MMP16: variants seen among roughly 807,000 people sequenced by gnomAD.
MMP16 encodes matrix metallopeptidase 16.
Under a neutral mutation model 67.8 loss-of-function variants are expected in MMP16, and 12 were observed. That is an observed-to-expected ratio of 0.18 (90% confidence interval 0.11 to 0.29). The LOEUF (loss-of-function observed/expected upper bound fraction) is 0.29, where lower values mean the gene tolerates loss of function less well. Among genes scored for constraint, MMP16 ranks in the 10% least tolerant of loss-of-function variants. The pLI is 1.00. For missense variants in MMP16, 475 were observed against 765.7 expected (o/e 0.62, Z 4.48); for synonymous variants, 249 against 255.9 (o/e 0.97, Z 0.26).
At chr8:88,055,288 G>A (rs1176329544) in intron 8 of MMP16, among the ~76,000 whole-genome samples, 1 of 152,048 alleles carries the variant, frequency 6.6e-6, no homozygotes, top group Non-Finnish European at 1.5e-5. Flanking sequence ...GCTCACTGCA[G>A]CCTTTGCCTC....
At chr8:88,179,525 C>A (rs1480639371) in intron 3 of MMP16, among the ~76,000 whole-genome samples, 1 of 150,952 alleles carries the variant, frequency 6.6e-6, no homozygotes, top group Non-Finnish European at 1.5e-5. Context: ...AAAGAAAGAT[C>A]ATTAGGGAAG....
chr8:88,159,937 T>C (rs886191299), intron 4 of MMP16, among the ~76,000 whole-genome samples: 1 of 152,096 alleles, frequency 6.6e-6, no homozygotes, highest in Non-Finnish European at 1.5e-5. Context: ...ATTACGTTTA[T>C]TGATTTGTTG....
intron 3 of MMP16, among the ~76,000 whole-genome samples, chr8:88,180,235 T>G (rs188340746): frequency 5.7e-4 from 86 of 151,542 alleles, no homozygotes; most frequent in Non-Finnish European, 2.4e-4. Context: ...GAGCTGAGAT[T>G]GCGCCATTTC....
chr8:88,325,579 CTT>C (rs1205069144), intron 1 of MMP16, among the ~76,000 whole-genome samples: 1 of 152,176 alleles, frequency 6.6e-6, no homozygotes, highest in Non-Finnish European at 1.5e-5. Flanking sequence ...TAAATTATCT[CTT>C]GATTTAAATG....
At chr8:88,063,676 T>A (rs765478384) in intron 7 of MMP16, among the ~76,000 whole-genome samples, 3 of 152,010 alleles carry the variant, frequency 2.0e-5, no homozygotes, top group Non-Finnish European at 4.4e-5. Context: ...AAGTGGTGTG[T>A]CTAAAGCCAC....
chr8:88,316,997 A>C (rs1357923076), intron 1 of MMP16, among the ~76,000 whole-genome samples: 1 of 152,184 alleles, frequency 6.6e-6, no homozygotes, highest in Non-Finnish European at 1.5e-5. Flanking sequence ...CTGCAATCTC[A>C]TTATAAAACT....
intron 1 of MMP16, among the ~76,000 whole-genome samples, chr8:88,237,213 A>G (rs1809955864): frequency 6.6e-6 from 1 of 152,182 alleles, no homozygotes; most frequent in Admixed American, 6.5e-5. Flanking sequence ...GGTAAAAGGG[A>G]TCTGAAATTC....
intron 7 of MMP16, among the ~76,000 whole-genome samples, chr8:88,063,348 G>A (rs1247833557): frequency 1.3e-5 from 2 of 152,048 alleles, no homozygotes; most frequent in African/African-American, 4.8e-5. Context: ...CAGAAACACT[G>A]ATGAAGGCAA....
intron 1 of MMP16, among the ~76,000 whole-genome samples, chr8:88,207,060 T>A (rs1423741711): frequency 1.3e-5 from 2 of 152,096 alleles, no homozygotes; most frequent in Admixed American, 6.5e-5. Flanking sequence ...CCTGGAAATA[T>A]CAAAAAACTC....
chr8:88,088,911 T>C (rs1485281175), intron 6 of MMP16, among the ~76,000 whole-genome samples: 2 of 152,000 alleles, frequency 1.3e-5, no homozygotes, highest in African/African-American at 2.4e-5. Context: ...ACAAAAGCAA[T>C]TGGAGAAAGT....
At chr8:88,231,680 A>G (rs1809860775) in intron 1 of MMP16, among the ~76,000 whole-genome samples, 1 of 152,196 alleles carries the variant, frequency 6.6e-6, no homozygotes, top group East Asian at 1.9e-4. Context: ...CTACAACCTA[A>G]GTAACACCTG....
chr8:88,213,674 G>T (rs1166985867), intron 1 of MMP16, among the ~76,000 whole-genome samples: 4 of 152,128 alleles, frequency 2.6e-5, no homozygotes, highest in African/African-American at 9.7e-5. Context: ...CCCAGTCCTA[G>T]ATGCTATTTT....
At chr8:88,203,117 T>TTG (rs2129796429) in intron 1 of MMP16, among the ~76,000 whole-genome samples, 1 of 149,516 alleles carries the variant, frequency 6.7e-6, no homozygotes, top group South Asian at 2.2e-4. Flanking sequence ...TTTTTTTTTT[T>TTG]TTTTTGAGAC....
intron 1 of MMP16, among the ~76,000 whole-genome samples, chr8:88,263,458 C>T (rs948195888): frequency 3.3e-5 from 5 of 152,134 alleles, no homozygotes; most frequent in Non-Finnish European, 7.4e-5. Context: ...TTTTCTAGGG[C>T]TGACATAACA....
intron 1 of MMP16, among the ~76,000 whole-genome samples, chr8:88,272,080 A>G (rs189080078): frequency 6.6e-6 from 1 of 152,332 alleles, no homozygotes; most frequent in Non-Finnish European, 1.5e-5. Flanking sequence ...AACATAGTTA[A>G]TGGCACATAG....
chr8:88,316,167 T>G (rs892146371), intron 1 of MMP16, among the ~76,000 whole-genome samples: 1 of 152,172 alleles, frequency 6.6e-6, no homozygotes, highest in African/African-American at 2.4e-5. Flanking sequence ...AACCTAAAAG[T>G]GCAAGATGAA....
At chr8:88,293,365 A>G (rs1420609495) in intron 1 of MMP16, among the ~76,000 whole-genome samples, 1 of 152,126 alleles carries the variant, frequency 6.6e-6, no homozygotes, top group Non-Finnish European at 1.5e-5. Context: ...GTTGATGATT[A>G]ATGGATAAAA....
chr8:88,299,947 G>T (rs1811072140), intron 1 of MMP16, among the ~76,000 whole-genome samples: 1 of 151,992 alleles, frequency 6.6e-6, no homozygotes, highest in African/African-American at 2.4e-5. Context: ...TGTGTGCTAG[G>T]TACTAAATAG....
At chr8:88,186,733 G>T in intron 2 of MMP16, 135 bp from the exon 3 acceptor site, 1 of 1,199,880 alleles carries the variant, frequency 8.3e-7, no homozygotes, top group Non-Finnish European at 1.1e-6. Context: ...AAAATATAAA[G>T]TAAAGGGAAC....
Sources: gnomAD v4.1 joint callset for allele counts (sites outside exome capture counted in the v4.1 genomes callset) on GRCh38, gnomAD v4.1.1 for gene constraint, MANE v1.5 for transcripts, NCBI Gene and HGNC (gene_info 2026-07-23, HGNC 2026-07-21) for gene names.